Variants in MGAT1 observed in about 807,000 individuals in gnomAD.
The protein encoded by MGAT1 is N-glycosyl-oligosaccharide-glycoprotein N-acetylglucosaminyltransferase I.
Under a neutral mutation model 31.7 loss-of-function variants are expected in MGAT1, and 14 were observed. That is an observed-to-expected ratio of 0.44 (90% CI 0.29 to 0.69). The LOEUF (loss-of-function observed/expected upper bound fraction) is 0.69. Among genes scored for constraint, MGAT1 ranks in the 30% least tolerant of loss-of-function variants. MGAT1 has a pLI of 0.12. For synonymous variants in MGAT1, 338 were observed against 276.0 expected, an observed-to-expected ratio of 1.22 and a Z score of -2.23; for missense variants, 557 against 626.0, an observed-to-expected ratio of 0.89 and a Z score of 1.18.
chr5:180,810,387 A>C (rs1261065806), intron 1 of MGAT1: 1 of 152,592 alleles, frequency 6.6e-6, no homozygotes, highest in Non-Finnish European at 1.5e-5. Flanking sequence ...GTGTGGGCAG[A>C]ACCAGGTTGT....
At chr5:180,801,667 T>C (rs1770790782) in intron 1 of MGAT1, among the ~76,000 whole-genome samples, 1 of 152,228 alleles carries the variant, frequency 6.6e-6, no homozygotes, top group South Asian at 2.1e-4. Flanking sequence ...CCAGGCAACT[T>C]TGGACAAGTC....
At chr5:180,808,918 A>C (rs1772220953) in exon 2 of MGAT1, 1 of 152,076 alleles carries the variant, frequency 6.6e-6, no homozygotes, top group Admixed American at 6.6e-5. Flanking sequence ...TTAAGCTCAG[A>C]GTCTGGTGAT....
upstream of MGAT1, among the ~76,000 whole-genome samples, chr5:180,807,034 A>T (rs1430274332): frequency 6.6e-6 from 1 of 152,220 alleles, no homozygotes; most frequent in Non-Finnish European, 1.5e-5. Flanking sequence ...CAGCAGCTCC[A>T]CCCAGGCCAC....
chr5:180,792,609 G>A lies in MGAT1; in HGVS notation c.363C>T (p.Cys121=), dbSNP rs2113228452. ...GCCGATAATGCAGCAGCTTGTCCAG[G>A]CAGCGCCGAACAGTGCTGCGGTCAC... The part of the protein sequence containing the change: ...IACDRSTVRR[C]LDKLLHYRPS... Residue 121 remains cysteine (C), a synonymous_variant, in exon 2 of 2, where the codon TGC becomes TGT. Coordinates refer to ENST00000307826, the MANE Select transcript of MGAT1 (RefSeq NM_002406.4). The A allele has an allele frequency of 6.2e-7, 1 of 1,608,610 alleles. No individual in the cohort carries two copies. The highest frequency in any genetic ancestry group is 2.2e-5 in the East Asian group (1 of 44,766).
chr5:180,794,325 G>A (rs947580087), intron 1 of MGAT1, among the ~76,000 whole-genome samples: 4 of 151,630 alleles, frequency 2.6e-5, no homozygotes, highest in Non-Finnish European at 2.9e-5. Flanking sequence ...GGAGGCTGAG[G>A]CTGTAGTGAG....
At chr5:180,801,095 T>A (rs941274393) in intron 1 of MGAT1, among the ~76,000 whole-genome samples, 3 of 152,232 alleles carry the variant, frequency 2.0e-5, no homozygotes, top group Admixed American at 2.0e-4. Context: ...CCTGCCCCTA[T>A]GGGGCTCACT....
At chr5:180,797,110 T>G (rs1287217954) in intron 1 of MGAT1, among the ~76,000 whole-genome samples, 2 of 152,116 alleles carry the variant, frequency 1.3e-5, no homozygotes, top group Non-Finnish European at 1.5e-5. Context: ...CTGCATGGCT[T>G]AGAAGGGTGG....
rs929442972 is a variant in MGAT1 at position 180,797,406 on chromosome 5, CAA to C, written c.-126-4311_-126-4310del. 8.9e-3 allele frequency among the ~76,000 whole-genome samples: 467 copies of C among 52,268 alleles called. 3 individuals are homozygous for C. Among genetic ancestry groups the C allele is most frequent in the African/African-American group, 0.028 (382 of 13,614 alleles). The allele number at this position is 52,268 out of a possible 152,430, so 34.3% of individuals were successfully genotyped here. ...GATGAAGCAAGACTCCATCCCCCAC[CAA>C]AAAAAAAAAAAAAAAAAAAAAGGGG... On this transcript the variant is annotated intron_variant, in intron 1 of 1. Transcript: ENST00000307826.
At chr5:180,813,372 A>G (rs1342163762) in intron 1 of MGAT1, among the ~76,000 whole-genome samples, 1 of 152,202 alleles carries the variant, frequency 6.6e-6, no homozygotes, top group African/African-American at 2.4e-5. Flanking sequence ...TCTTTTGCCC[A>G]CTTGGATTCA....
At position 180,792,912 on chromosome 5, in the gene MGAT1, C is replaced by G; in HGVS notation, c.60G>C (p.Trp20Cys). ...AGAAGAAGAGGAGCAGCAGGGCATT[C>G]CAGGCCACAAAGAGGATAGCGCCCC... ...VLWGAILFVA[W>C]NALLLLFFWT... Residue 20 changes from tryptophan (W) to cysteine (C), a missense_variant, in exon 2 of 2, where the codon TGG becomes TGC. Transcript: ENST00000307826. 2 of 1,612,094 alleles carry G rather than the reference C, an allele frequency of 1.2e-6. No individual in the cohort carries two copies. The highest frequency in any genetic ancestry group is 1.7e-6 in the Non-Finnish European group (2 of 1,179,442).
intron 1 of MGAT1, among the ~76,000 whole-genome samples, chr5:180,814,939 T>A (rs1424991709): frequency 2.2e-5 from 3 of 137,824 alleles, no homozygotes; most frequent in Non-Finnish European, 3.1e-5. Context: ...AGACTCTGTC[T>A]CAAAAAAAAA....
Position 180,790,324 on chromosome 5 carries a change from C to G in MGAT1, c.*1310G>C, listed in dbSNP as rs1353504884. ...GGCTCTACAGGACGATCAGCAGGAG[C>G]ACAGTCCGGGGCTCCTCTCCACCTT... On this transcript the variant is annotated 3_prime_UTR_variant, in exon 2 of 2. Coordinates refer to ENST00000307826, the MANE Select transcript of MGAT1 (RefSeq NM_002406.4). 2 of 152,306 alleles carry G rather than the reference C, an allele frequency of 1.3e-5. No individual in the cohort carries two copies. Among genetic ancestry groups the G allele is most frequent in the African/African-American group, 4.8e-5 (2 of 41,442 alleles). 9.4% of individuals were successfully genotyped at this position (152,306 alleles called of 1,614,324 possible). A position where few individuals can be genotyped will look rare whatever the true frequency, so the allele number is the denominator to read the frequency against.
exon 2 of MGAT1, chr5:180,808,847 C>G (rs1297358494): frequency 2.6e-5 from 4 of 152,238 alleles, no homozygotes; most frequent in African/African-American, 9.7e-5. Context: ...CCCTCCCCCC[C>G]CACTGCAGAC....
Position 180,790,862 on chromosome 5 carries a change from G to A in MGAT1, c.*772C>T. The A allele has an allele frequency of 6.6e-6, 1 of 152,332 alleles. No homozygotes were observed. The highest frequency in any genetic ancestry group is 1.5e-5 in the Non-Finnish European group (1 of 68,152). 9.4% of individuals were successfully genotyped at this position (152,332 alleles called of 1,614,324 possible). A position where few individuals can be genotyped will look rare whatever the true frequency, so the allele number is the denominator to read the frequency against. On this transcript the variant is annotated 3_prime_UTR_variant, in exon 2 of 2. Transcript: ENST00000307826. ...ACCAAGCCAGCAGGAGCCTCCTAGA[G>A]CAACAGGGAGGGCACTGATTTTCAG...
At position 180,792,251 on chromosome 5, in the gene MGAT1, A is replaced by C; in HGVS notation, c.721T>G (p.Trp241Gly). The change falls in exon 2 of 2, where the codon TGG (tryptophan) becomes GGG (glycine). Residue 241 changes from tryptophan to glycine, a missense_variant. Trp to Gly is a radical substitution (Grantham distance 184, BLOSUM62 -2). This residue lies in a region of MGAT1 where 245 missense variants were observed against 332.9 expected (regional missense o/e 0.74). Coordinates refer to ENST00000307826, the MANE Select transcript of MGAT1 (RefSeq NM_002406.4). ...ATCTGCTCCTTGCCGTTGTCATTCC[A>C]GGCCGAGACGCACCACAGGGAGGGG... is the stretch of plus-strand genomic sequence containing the variant. ...ADPSLWCVSA[W>G]NDNGKEQMVD... The C allele has an allele frequency of 6.2e-7, 1 of 1,613,082 alleles. No individual in the cohort carries two copies. Among genetic ancestry groups the C allele is most frequent in the Non-Finnish European group, 8.5e-7 (1 of 1,179,990 alleles).
In MGAT1 at chr5:180,789,015, A is replaced by G. The variant is rs1465524849; in HGVS notation, c.*2619T>C. On this transcript the variant is annotated 3_prime_UTR_variant, in exon 2 of 2. Coordinates refer to ENST00000307826, the MANE Select transcript of MGAT1 (RefSeq NM_002406.4). Reference sequence around the variant, plus strand: ...TCGCCGGGCCGATTCCACGTCTGAAATCACGGATAATGACCACCTCCCCTT... The same window carrying G: ...TCGCCGGGCCGATTCCACGTCTGAAGTCACGGATAATGACCACCTCCCCTT... The G allele has an allele frequency of 6.6e-6, 1 of 152,260 alleles. No individual in the cohort carries two copies. The highest frequency in any genetic ancestry group is 1.9e-4 in the East Asian group (1 of 5,198). The allele number at this position is 152,260 out of a possible 1,614,324, so 9.4% of individuals were successfully genotyped here.
Position 180,809,348 on chromosome 5 carries a change from A to G in MGAT1, c.-545-282T>C, listed in dbSNP as rs79719825. 7 of 152,320 alleles carry G rather than the reference A, an allele frequency of 4.6e-5. No individual in the cohort carries two copies. The East Asian group carries it at 1.2e-3, about 25-fold the overall frequency. 9.4% of individuals were successfully genotyped at this position (152,320 alleles called of 1,614,324 possible). ...TGTACAAACATACATGATTCAGGAT[A>G]AAAGATGGATCGTACCCGTTCTCAC... On this transcript the variant is annotated intron_variant, in intron 1 of 2. Transcript: ENST00000333055.
At chr5:180,799,686 ATTT>A (rs1770297383) in intron 1 of MGAT1, among the ~76,000 whole-genome samples, 1 of 152,156 alleles carries the variant, frequency 6.6e-6, no homozygotes, top group South Asian at 2.1e-4. Flanking sequence ...GAAGTGTGAC[ATTT>A]TCCAGAGATG....
chr5:180,793,841 A>G (rs1279536427), intron 1 of MGAT1, among the ~76,000 whole-genome samples: 1 of 152,254 alleles, frequency 6.6e-6, no homozygotes, highest in Non-Finnish European at 1.5e-5. Context: ...GAAAATATTT[A>G]GAAATAAACT....
Sources: allele counts gnomAD v4.1 joint callset (sites outside exome capture counted in the v4.1 genomes callset), GRCh38; gene constraint gnomAD v4.1.1; regional missense constraint gnomAD v4.1.1; transcripts MANE v1.5; gene names NCBI Gene and HGNC (gene_info 2026-07-23, HGNC 2026-07-21).